UNC13C: variants seen among roughly 807,000 people sequenced by gnomAD.
The protein encoded by UNC13C is unc-13 homolog C, also known as protein unc-13 homolog C.
In UNC13C, 174 loss-of-function variants were observed where a neutral mutation model predicts 245.4. The observed-to-expected ratio is 0.71, with a 90% confidence interval of 0.63 to 0.80. The LOEUF (loss-of-function observed/expected upper bound fraction) is 0.80. UNC13C is among the 30% of genes least tolerant of loss of function. UNC13C has a pLI of 0.00. For missense variants in UNC13C, 2,829 were observed against 2,602.9 expected, an observed-to-expected ratio of 1.09 and a Z score of -1.89; for synonymous variants, 992 against 895.1, an observed-to-expected ratio of 1.11 and a Z score of -1.93.
At chr15:54,473,228 A>G (rs560184430) in intron 19 of UNC13C, among the ~76,000 whole-genome samples, 3 of 151,498 alleles carry the variant, frequency 2.0e-5, no homozygotes, top group Non-Finnish European at 4.4e-5. Flanking sequence ...ATTTTATTTT[A>G]TTGATACATA....
chr15:53,974,187 C>T (rs1455322163), upstream of UNC13C, among the ~76,000 whole-genome samples: 1 of 152,138 alleles, frequency 6.6e-6, no homozygotes, highest in Non-Finnish European at 1.5e-5. Context: ...AAGTTTTAGA[C>T]ACTATTATTG....
chr15:54,473,927 C>G (rs1322667680), intron 19 of UNC13C, among the ~76,000 whole-genome samples: 1 of 151,820 alleles, frequency 6.6e-6, no homozygotes, highest in Non-Finnish European at 1.5e-5. Flanking sequence ...TCATTCCACT[C>G]TCTACATCTG....
intron 30 of UNC13C, among the ~76,000 whole-genome samples, chr15:54,607,626 A>T (rs1432850453): frequency 2.6e-5 from 4 of 152,180 alleles, no homozygotes; most frequent in Non-Finnish European, 5.9e-5. Flanking sequence ...AAGAGGGTTA[A>T]TTGACTCAGT....
chr15:54,107,953 T>C (rs1040971585), intron 2 of UNC13C, among the ~76,000 whole-genome samples: 2 of 152,170 alleles, frequency 1.3e-5, no homozygotes, highest in African/African-American at 2.4e-5. Context: ...TATTGAAAAC[T>C]GGTATGAGCA....
chr15:53,961,073 T>A, the UNC13C span, among the ~76,000 whole-genome samples: 1 of 152,346 alleles, frequency 6.6e-6, no homozygotes, highest in East Asian at 1.9e-4. Context: ...AACTGCCTAT[T>A]TTTTGATGGT....
chr15:53,976,477 C>CTTTTTTTTTTTTTTTTTTTTTT (rs10682648), upstream of UNC13C, among the ~76,000 whole-genome samples: 46 of 63,006 alleles, frequency 7.3e-4, 5 homozygotes, highest in Admixed American at 1.1e-3. Flanking sequence ...CTCTCTCTCT[C>CTTTTTTTTTTTTTTTTTTTTTT]TTTTTTTTTT....
At chr15:54,604,700 C>T (rs141810596) in intron 30 of UNC13C, among the ~76,000 whole-genome samples, 347 of 152,294 alleles carry the variant, frequency 2.3e-3, no homozygotes, top group Non-Finnish European at 4.3e-3. Flanking sequence ...TCCACTTGAA[C>T]ACCTCTTTCC....
chr15:54,423,424 A>G (rs2140963578), intron 19 of UNC13C, among the ~76,000 whole-genome samples: 1 of 152,044 alleles, frequency 6.6e-6, no homozygotes, highest in South Asian at 2.1e-4. Context: ...ATAATACAGC[A>G]TATAGATAAT....
intron 19 of UNC13C, among the ~76,000 whole-genome samples, chr15:54,472,876 A>G (rs1385664578): frequency 6.6e-6 from 1 of 151,760 alleles, no homozygotes; most frequent in Non-Finnish European, 1.5e-5. Context: ...CATGTATTTC[A>G]TATTTGGGGA....
the UNC13C span, among the ~76,000 whole-genome samples, chr15:53,901,007 C>T: frequency 6.6e-6 from 1 of 151,864 alleles, no homozygotes; most frequent in African/African-American, 2.4e-5. Context: ...ACAAAAGTAA[C>T]ATACATCTCT....
chr15:54,364,976 T>C (rs2039330552), intron 17 of UNC13C, among the ~76,000 whole-genome samples: 1 of 152,234 alleles, frequency 6.6e-6, no homozygotes, highest in Admixed American at 6.5e-5. Flanking sequence ...GCTATGTCTA[T>C]GGCAATAGCT....
chr15:54,457,892 G>GTTTTTTTTTTTTTTTCTTTTTTT (rs34133938), intron 19 of UNC13C, among the ~76,000 whole-genome samples: 2 of 122,992 alleles, frequency 1.6e-5, no homozygotes, highest in Non-Finnish European at 3.3e-5. Context: ...TCTGCTTTTC[G>GTTTTTTTTTTTTTTTCTTTTTTT]TTTTTTTTTT....
intron 30 of UNC13C, among the ~76,000 whole-genome samples, chr15:54,613,624 G>A (rs1021149984): frequency 6.6e-6 from 1 of 151,930 alleles, no homozygotes; most frequent in Non-Finnish European, 1.5e-5. Flanking sequence ...AAAGAGACCA[G>A]GGAGGAGAAC....
chr15:54,249,836 G>C (rs2140863235), intron 7 of UNC13C, among the ~76,000 whole-genome samples: 1 of 152,282 alleles, frequency 6.6e-6, no homozygotes, highest in East Asian at 1.9e-4. Context: ...GGGGTGAAGT[G>C]TCAGGGAGGA....
intron 14 of UNC13C, among the ~76,000 whole-genome samples, chr15:54,325,180 C>T (rs2038264518): frequency 6.6e-6 from 1 of 151,860 alleles, no homozygotes; most frequent in African/African-American, 2.4e-5. Flanking sequence ...AATAATTGAG[C>T]AGTGCCCATG....
chr15:54,357,821 C>T (rs2039131133), intron 17 of UNC13C, among the ~76,000 whole-genome samples: 1 of 151,746 alleles, frequency 6.6e-6, no homozygotes, highest in East Asian at 1.9e-4. Flanking sequence ...ACACATTTTT[C>T]ACATATATAT....
At chr15:54,068,426 C>T (rs1412210083) in intron 2 of UNC13C, among the ~76,000 whole-genome samples, 1 of 152,134 alleles carries the variant, frequency 6.6e-6, no homozygotes, top group Non-Finnish European at 1.5e-5. Context: ...ATCCAAGCAG[C>T]CACCTGCTTT....
chr15:54,266,134 T>G (rs925613855), intron 10 of UNC13C, among the ~76,000 whole-genome samples: 3 of 152,062 alleles, frequency 2.0e-5, no homozygotes, highest in Admixed American at 6.6e-5. Context: ...ACAGTCTTTT[T>G]TCTTTAGTTC....
At chr15:53,976,813 C>T (rs1033146900), upstream of UNC13C, 1 of 152,180 alleles carries the variant, frequency 6.6e-6, no homozygotes, top group African/African-American at 2.4e-5. Context: ...AGCTTCTGTA[C>T]TTTGCAGTGG....
Sources: allele counts gnomAD v4.1 joint callset (sites outside exome capture counted in the v4.1 genomes callset), GRCh38; gene constraint gnomAD v4.1.1; transcripts MANE v1.5; gene names NCBI Gene and HGNC (gene_info 2026-07-23, HGNC 2026-07-21).